Variants in SUGCT observed in about 807,000 individuals in gnomAD.
SUGCT encodes the protein succinyl-CoA:glutarate-CoA transferase.
SUGCT carries 41 observed loss-of-function variants against 55.0 expected under a neutral mutation model. The ratio of observed to expected loss-of-function variants is 0.74; its 90% confidence interval spans 0.58 to 0.97. The LOEUF (loss-of-function observed/expected upper bound fraction) is 0.97, where lower values mean the gene tolerates loss of function less well. Among genes scored for constraint, SUGCT ranks in the 50% least tolerant of loss-of-function variants. The pLI is 0.00. For synonymous variants in SUGCT, 187 were observed against 200.4 expected, an observed-to-expected ratio of 0.93 and a Z score of 0.56; for missense variants, 568 against 547.8, an observed-to-expected ratio of 1.04 and a Z score of -0.37.
chr7:40,249,341 A>ATATATATATATG (rs1192387768), intron 7 of SUGCT, among the ~76,000 whole-genome samples: 2 of 131,618 alleles, frequency 1.5e-5, no homozygotes, highest in Non-Finnish European at 3.2e-5. Flanking sequence ...ATATATATAT[A>ATATATATATATG]TATATAATTA....
At chr7:40,708,954 GAGGTCCC>G (rs1222056517) in intron 12 of SUGCT, among the ~76,000 whole-genome samples, 1 of 152,168 alleles carries the variant, frequency 6.6e-6, no homozygotes, top group African/African-American at 2.4e-5. Context: ...GTTTACCATA[GAGGTCCC>G]AGTGCCTAGA....
chr7:40,914,264 A>ATTTTTTTCTT, the SUGCT span, among the ~76,000 whole-genome samples: 5 of 136,366 alleles, frequency 3.7e-5, no homozygotes, highest in South Asian at 4.8e-4. Context: ...TTATTTATTT[A>ATTTTTTTCTT]TTTTTTTCTT....
At chr7:40,649,182 T>A (rs1468920086) in intron 12 of SUGCT, among the ~76,000 whole-genome samples, 1 of 151,732 alleles carries the variant, frequency 6.6e-6, no homozygotes, top group African/African-American at 2.4e-5. Flanking sequence ...TTTCCATTTT[T>A]CAAAATATTT....
rs111835245 is a variant in SUGCT, at chr7:40,170,577, T to C, written c.101-10370T>C. 1.1e-4 allele frequency among the ~76,000 whole-genome samples: 16 copies of C among 152,354 alleles called. 1 individual carries two copies. Among genetic ancestry groups the C allele is most frequent in the African/African-American group, 3.6e-4 (15 of 41,578 alleles). ...TGAGCATTAGTCCTAGAGTGTCCTC[T>C]ATGGTCCTAATGCTTATTCCTTTCC... is the stretch of plus-strand genomic sequence containing the variant. On this transcript the variant is annotated intron_variant, in intron 1 of 13. Transcript: ENST00000335693.
chr7:40,345,784 A>G (rs1797275991), intron 9 of SUGCT, among the ~76,000 whole-genome samples: 1 of 152,086 alleles, frequency 6.6e-6, no homozygotes. Context: ...AGGTTTTCTA[A>G]TATTACATTG....
chr7:40,803,970 C>T (rs1327672890), intron 13 of SUGCT, among the ~76,000 whole-genome samples: 2 of 152,176 alleles, frequency 1.3e-5, no homozygotes, highest in East Asian at 3.8e-4. Context: ...GAAAGATCAA[C>T]TTCAAAACCC....
chr7:40,496,426 C>A, intron 12 of SUGCT, 40 bp downstream of exon 12: 2 of 1,360,756 alleles, frequency 1.5e-6, no homozygotes, highest in Non-Finnish European at 2.1e-6. Flanking sequence ...GTTTTCTGTC[C>A]AGATTGACTT....
At chr7:40,348,420 T>C (rs1797442729) in intron 9 of SUGCT, among the ~76,000 whole-genome samples, 1 of 152,208 alleles carries the variant, frequency 6.6e-6, no homozygotes, top group African/African-American at 2.4e-5. Flanking sequence ...CAAGCAGGTC[T>C]TGTGAATGAG....
intron 9 of SUGCT, among the ~76,000 whole-genome samples, chr7:40,341,474 G>A (rs1212786179): frequency 7.9e-5 from 12 of 152,138 alleles, no homozygotes; most frequent in Admixed American, 2.6e-4. Flanking sequence ...AAACAGTGAG[G>A]TCCCTCTTGG....
At chr7:40,798,367 G>A (rs71536699) in intron 13 of SUGCT, among the ~76,000 whole-genome samples, 3,639 of 152,170 alleles carry the variant, frequency 0.024, 53 homozygotes, top group Non-Finnish European at 0.033. Context: ...TGGTTCTATG[G>A]TGCACTCCTT....
the SUGCT span, among the ~76,000 whole-genome samples, chr7:40,952,266 G>A: frequency 4.1e-3 from 627 of 152,222 alleles, 2 homozygotes; most frequent in African/African-American, 0.013. Flanking sequence ...TCTGAGACTA[G>A]GAATGCAACC....
chr7:40,405,808 TAAAAAAAAAAAAAAA>T (rs60966218), intron 9 of SUGCT, among the ~76,000 whole-genome samples: 3 of 90,954 alleles, frequency 3.3e-5, no homozygotes, highest in Non-Finnish European at 6.8e-5. Context: ...AGACTCTGTC[TAAAAAAAAAAAAAAA>T]AAAAAAAGAA....
chr7:40,621,321 G>A (rs1180093392), intron 12 of SUGCT, among the ~76,000 whole-genome samples: 1 of 152,016 alleles, frequency 6.6e-6, no homozygotes, highest in Non-Finnish European at 1.5e-5. Flanking sequence ...GTGTTATTTT[G>A]GTTTCTCCTG....
At chr7:40,874,005 G>A in the SUGCT span, among the ~76,000 whole-genome samples, 1 of 145,132 alleles carries the variant, frequency 6.9e-6, no homozygotes, top group African/African-American at 2.6e-5. Context: ...ACATGCAGAG[G>A]TGAGCAGGCC....
the SUGCT span, among the ~76,000 whole-genome samples, chr7:40,939,492 A>G: frequency 6.6e-6 from 1 of 152,152 alleles, no homozygotes; most frequent in Non-Finnish European, 1.5e-5. Flanking sequence ...TAAAGGGTGC[A>G]CTGATTTATA....
chr7:40,532,480 A>T (rs1442837551), intron 12 of SUGCT, among the ~76,000 whole-genome samples: 1 of 151,710 alleles, frequency 6.6e-6, no homozygotes, highest in African/African-American at 2.4e-5. Flanking sequence ...ATTCTGAAGG[A>T]TTAAGAATCA....
chr7:40,946,564 AT>A, the SUGCT span, among the ~76,000 whole-genome samples: 1 of 152,160 alleles, frequency 6.6e-6, no homozygotes, highest in East Asian at 1.9e-4. Context: ...GTTCATGTGG[AT>A]TTAAGTTACT....
chr7:40,433,597 G>A (rs918532528), intron 9 of SUGCT, among the ~76,000 whole-genome samples: 1 of 152,056 alleles, frequency 6.6e-6, no homozygotes, highest in Non-Finnish European at 1.5e-5. Flanking sequence ...CAGTTGATTT[G>A]TGCCAAGTAA....
the SUGCT span, among the ~76,000 whole-genome samples, chr7:41,029,941 A>G: frequency 6.6e-6 from 1 of 152,190 alleles, no homozygotes; most frequent in Admixed American, 6.5e-5. Context: ...ACTCCTGCAG[A>G]ACACTGATCC....
Sources: allele counts gnomAD v4.1 joint callset (sites outside exome capture counted in the v4.1 genomes callset), GRCh38; gene constraint gnomAD v4.1.1; transcripts MANE v1.5; gene names NCBI Gene and HGNC (gene_info 2026-07-23, HGNC 2026-07-21).